Variants in LIMA1 observed in about 807,000 individuals in gnomAD.
The protein encoded by LIMA1 is LIM domain and actin binding 1.
In LIMA1, 52 loss-of-function variants were observed where a neutral mutation model predicts 62.6. The ratio of observed to expected loss-of-function variants is 0.83; its 90% confidence interval spans 0.67 to 1.05. The LOEUF is 1.05. LIMA1 is among the 50% of genes least tolerant of loss of function. LIMA1 has a pLI of 0.00. For synonymous variants in LIMA1, 302 were observed against 317.8 expected (o/e 0.95, Z 0.53); for missense variants, 780 against 902.2 (o/e 0.86, Z 1.74).
chr12:50,271,254 G>T (rs1942208669), intron 1 of LIMA1, among the ~76,000 whole-genome samples: 2 of 152,202 alleles, frequency 1.3e-5, no homozygotes, highest in Admixed American at 1.3e-4. Context: ...CTCGGCGACA[G>T]GGCAAGACTC....
Position 50,200,175 on chromosome 12 carries a change from G to A in LIMA1, c.972+602C>T, listed in dbSNP as rs558338416. ...CTCCCAAAGTGCTGGGATTACAGGCGTGAGCCACCACACTCGGCCCGAATA... is the reference window on the plus strand; with the variant it reads ...CTCCCAAAGTGCTGGGATTACAGGCATGAGCCACCACACTCGGCCCGAATA... On this transcript the variant is annotated intron_variant, in intron 7 of 10. Coordinates refer to ENST00000341247, the MANE Select transcript of LIMA1 (RefSeq NM_016357.5). Among the ~76,000 whole-genome samples the A allele has an allele frequency of 9.9e-5, 15 of 152,036 alleles. No individual in the cohort carries two copies. The South Asian group carries it at 1.0e-3, about 11-fold the overall frequency.
chr12:50,214,051 C>CACACACACACACACACACACACAT lies in LIMA1; in HGVS notation c.630+7969_630+7970insATGTGTGTGTGTGTGTGTGTGTGT, dbSNP rs55904917. Among the ~76,000 whole-genome samples, 601 of 149,954 alleles carry CACACACACACACACACACACACAT rather than the reference C, an allele frequency of 4.0e-3. 12 individuals carry two copies. Among genetic ancestry groups the CACACACACACACACACACACACAT allele is most frequent in the African/African-American group, 0.012 (469 of 40,530 alleles). On this transcript the variant is annotated intron_variant, in intron 4 of 10. Transcript: ENST00000341247. The stretch of plus-strand genomic sequence containing the variant: ...ACACACACACACACACACACACACA[C>CACACACACACACACACACACACAT]GAGATTACTCAGAGTTATTAAGAGT...
At chr12:50,202,213 T>G (rs551780186) in intron 6 of LIMA1, 1 of 152,338 alleles carries the variant, frequency 6.6e-6, no homozygotes, top group Non-Finnish European at 1.5e-5. Flanking sequence ...AAGCCCCACC[T>G]CCAGAACTGC....
At chr12:50,233,778 G>T (rs2138593833) in intron 2 of LIMA1, among the ~76,000 whole-genome samples, 1 of 152,270 alleles carries the variant, frequency 6.6e-6, no homozygotes. Context: ...ACCTGCCTCA[G>T]CCTTCCAAAG....
chr12:50,206,331 T>A (rs1241237760), intron 4 of LIMA1, among the ~76,000 whole-genome samples: 2 of 152,154 alleles, frequency 1.3e-5, no homozygotes, highest in South Asian at 2.1e-4. Context: ...TGGAGGGGAA[T>A]CCTCACATAC....
At chr12:50,233,643 C>A (rs1349792312) in intron 2 of LIMA1, among the ~76,000 whole-genome samples, 1 of 152,200 alleles carries the variant, frequency 6.6e-6, no homozygotes, top group African/African-American at 2.4e-5. Context: ...CCTACCCCAG[C>A]CTCTCAAGTA....
Position 50,195,835 on chromosome 12 carries a change from T to A in LIMA1, c.1025A>T (p.Asp342Val). The A allele has an allele frequency of 6.3e-7, 1 of 1,589,394 alleles. No individual in the cohort carries two copies. Among genetic ancestry groups the A allele is most frequent in the Admixed American group, 1.8e-5 (1 of 54,912 alleles). ...LAVRSTPAEDDSRDSQVKSEV... is the reference protein window; with the variant it reads ...LAVRSTPAEDVSRDSQVKSEV... Reference sequence around the variant, plus strand: ...ATCTAAGAAAGAATGCTTACGGGAGTCATCTTCGGCAGGGGTGGAACGGAC... The same window carrying A: ...ATCTAAGAAAGAATGCTTACGGGAGACATCTTCGGCAGGGGTGGAACGGAC... Residue 342 changes from aspartate to valine, a missense_variant, in exon 8 of 11, where the codon GAC becomes GTC. Coordinates refer to ENST00000341247, the MANE Select transcript of LIMA1 (RefSeq NM_016357.5).
chr12:50,222,950 A>AAGATGCAGGAT (rs1941472628), intron 3 of LIMA1, among the ~76,000 whole-genome samples: 1 of 152,150 alleles, frequency 6.6e-6, no homozygotes, highest in Non-Finnish European at 1.5e-5. Context: ...AAATAAGACA[A>AAGATGCAGGAT]AGATGCAGGA....
Position 50,227,476 on chromosome 12 carries a change from G to A in LIMA1, c.165+4189C>T, listed in dbSNP as rs538065965. On this transcript the variant is annotated intron_variant, in intron 3 of 10. Coordinates refer to ENST00000341247, the MANE Select transcript of LIMA1 (RefSeq NM_016357.5). ...GCTGGTCTCGAACTCCTGACCTCAGGTGATCCACCCGCCTCAGCCGGGATT... is the reference window on the plus strand; with the variant it reads ...GCTGGTCTCGAACTCCTGACCTCAGATGATCCACCCGCCTCAGCCGGGATT... Among the ~76,000 whole-genome samples the A allele has an allele frequency of 2.0e-5, 3 of 152,134 alleles. No individual in the cohort carries two copies. The South Asian group carries it at 6.2e-4, about 32-fold the overall frequency.
At chr12:50,210,338 G>T (rs7308095) in intron 4 of LIMA1, among the ~76,000 whole-genome samples, 48,006 of 149,584 alleles carry the variant, frequency 0.32, 7,931 homozygotes, top group South Asian at 0.47. Flanking sequence ...CAGGAGAATC[G>T]CTTGAACCAG....
intron 4 of LIMA1, among the ~76,000 whole-genome samples, chr12:50,212,310 C>T (rs1038830777): frequency 1.4e-4 from 21 of 152,304 alleles, no homozygotes; most frequent in African/African-American, 4.8e-4. Context: ...CTTCAGCTTC[C>T]TTTGGACGCT....
chr12:50,192,332 G>A (rs1940794882), intron 9 of LIMA1, 120 bp downstream of exon 9: 1 of 752,910 alleles, frequency 1.3e-6, no homozygotes, highest in Admixed American at 1.9e-5. Flanking sequence ...GCTCTTCTGT[G>A]GCATTATCAT....
intron 6 of LIMA1, chr12:50,201,202 A>G: frequency 9.3e-7 from 1 of 1,072,304 alleles, no homozygotes; most frequent in South Asian, 3.0e-5. Context: ...TTCTAGCAGC[A>G]GAGCTTGTGG....
Position 50,222,129 on chromosome 12 carries a change from T to A in LIMA1, c.522A>T (p.Lys174Asn), listed in dbSNP as rs1195057349. ...CLGESRHEVE[K>N]SEISENTDAS... ...CATCTGTGTTTTCACTGATTTCTGATTTTTCTACTTCATGCCTGGATTCTC... is the reference window on the plus strand; with the variant it reads ...CATCTGTGTTTTCACTGATTTCTGAATTTTCTACTTCATGCCTGGATTCTC... The change falls in exon 4 of 11, where the codon AAA (lysine) becomes AAT (asparagine). Residue 174 changes from lysine (K) to asparagine (N), a missense_variant. Transcript: ENST00000341247. The A allele has an allele frequency of 6.2e-7, 1 of 1,614,210 alleles. No individual in the cohort carries two copies. The highest frequency in any genetic ancestry group is 1.7e-5 in the Admixed American group (1 of 60,010).
rs764236862 is a variant in LIMA1 at position 50,177,526 on chromosome 12, T to C, written c.1818A>G (p.Lys606=). Residue 606 remains lysine, a synonymous_variant, in exon 11 of 11, where the codon AAA becomes AAG. Transcript: ENST00000341247. ...CTTTCCTGATAGGTGGGGACACAGT[T>C]TTTGGGCTCTTGACAGAGGTGCTTT... ...SFQSTSVKSP[K]TVSPPIRKGW... 5.6e-6 allele frequency: 9 copies of C among 1,611,698 alleles called. No individual in the cohort carries two copies. In the South Asian group the frequency reaches 8.8e-5, roughly 16 times the overall value.
At position 50,193,546 on chromosome 12, in the gene LIMA1, C is replaced by CAT. The variant is rs1368047337; in HGVS notation, c.1031-987_1031-986dup. On this transcript the variant is annotated intron_variant, in intron 8 of 10. Coordinates refer to ENST00000341247, the MANE Select transcript of LIMA1 (RefSeq NM_016357.5). ...TATACACATATATGATATATATATA[C>CAT]ATATATATCATATATGTATATATGA... Among the ~76,000 whole-genome samples, 314 of 110,958 alleles carry CAT rather than the reference C, an allele frequency of 2.8e-3. 2 individuals are homozygous for CAT. Among genetic ancestry groups the CAT allele is most frequent in the African/African-American group, 0.012 (295 of 25,626 alleles). 72.8% of individuals were successfully genotyped at this position (110,958 alleles called of 152,430 possible). A position where few individuals can be genotyped will look rare whatever the true frequency, so the allele number is the denominator to read the frequency against.
chr12:50,177,472 C>T lies in LIMA1; in HGVS notation c.1872G>A (p.Glu624=), dbSNP rs1481437752. 6.2e-7 allele frequency: 1 copy of T among 1,614,102 alleles called. No individual in the cohort carries two copies. Among genetic ancestry groups the T allele is most frequent in the East Asian group, 2.2e-5 (1 of 44,892 alleles). ...TTTCTGCAACTCTTCCACCCACAGA[C>T]TCTTCACTCTGCTCTGACATGCTCC... ...KGWSMSEQSE[E]SVGGRVAERK... The change falls in exon 11 of 11, where the codon GAG becomes GAA. Residue 624 remains glutamate (E), a synonymous_variant. Transcript: ENST00000341247.
chr12:50,183,040 A>G (rs138728528), intron 9 of LIMA1, among the ~76,000 whole-genome samples: 1,971 of 152,184 alleles, frequency 0.013, 30 homozygotes, highest in African/African-American at 0.045. Flanking sequence ...CGTCTCCAGT[A>G]AAAATACAAA....
chr12:50,259,463 A>T (rs1432138626), intron 1 of LIMA1, among the ~76,000 whole-genome samples: 1 of 152,212 alleles, frequency 6.6e-6, no homozygotes, highest in Non-Finnish European at 1.5e-5. Context: ...TTTAAGTTTT[A>T]TCTGAAACAC....
Sources: gnomAD v4.1 joint callset for allele counts (sites outside exome capture counted in the v4.1 genomes callset) on GRCh38, gnomAD v4.1.1 for gene constraint, MANE v1.5 for transcripts, NCBI Gene and HGNC (gene_info 2026-07-23, HGNC 2026-07-21) for gene names.